PRKAA2: variants seen among roughly 807,000 people sequenced by gnomAD.
PRKAA2 encodes protein kinase AMP-activated catalytic subunit alpha 2.
Under a neutral mutation model 56.3 loss-of-function variants are expected in PRKAA2, and 40 were observed. That is an observed-to-expected ratio of 0.71 (90% CI 0.55 to 0.92). The LOEUF (loss-of-function observed/expected upper bound fraction) is 0.92, where lower values mean the gene tolerates loss of function less well. Among genes scored for constraint, PRKAA2 ranks in the 40% least tolerant of loss-of-function variants. The pLI is 0.00. For missense variants in PRKAA2, 542 were observed against 686.9 expected, an observed-to-expected ratio of 0.79 and a Z score of 2.36; for synonymous variants, 214 against 234.2, an observed-to-expected ratio of 0.91 and a Z score of 0.79.
At chr1:56,666,395 C>T (rs1193763663) in intron 1 of PRKAA2, among the ~76,000 whole-genome samples, 1 of 152,136 alleles carries the variant, frequency 6.6e-6, no homozygotes, top group Non-Finnish European at 1.5e-5. Flanking sequence ...ATTAGAACAT[C>T]ACTTAATCAG....
intron 6 of PRKAA2, among the ~76,000 whole-genome samples, chr1:56,699,436 T>C (rs1162706281): frequency 6.6e-6 from 1 of 152,190 alleles, no homozygotes; most frequent in South Asian, 2.1e-4. Flanking sequence ...TAGTTACTGC[T>C]CACTTTGGTA....
chr1:56,665,507 C>T (rs972993382), intron 1 of PRKAA2, among the ~76,000 whole-genome samples: 5 of 152,186 alleles, frequency 3.3e-5, no homozygotes, highest in African/African-American at 1.2e-4. Flanking sequence ...CACTTGAGCA[C>T]TTTTAATTTA....
At chr1:56,654,296 T>C (rs1643924960) in intron 1 of PRKAA2, among the ~76,000 whole-genome samples, 1 of 152,190 alleles carries the variant, frequency 6.6e-6, no homozygotes, top group Admixed American at 6.5e-5. Context: ...TGGTCCATGT[T>C]AGCTTTCTTG....
intron 1 of PRKAA2, among the ~76,000 whole-genome samples, chr1:56,647,349 C>G (rs7516242): frequency 0.061 from 9,225 of 152,250 alleles, 483 homozygotes; most frequent in African/African-American, 0.14. Flanking sequence ...TAACTTAACC[C>G]TATGTCCTTT....
chr1:56,678,603 C>T (rs1159556036), intron 2 of PRKAA2, among the ~76,000 whole-genome samples: 2 of 151,752 alleles, frequency 1.3e-5, no homozygotes, highest in Non-Finnish European at 2.9e-5. Context: ...GATTTTTGTC[C>T]TTTTTTTTCT....
rs1644379338 is a variant in PRKAA2 at position 56,713,046 on chromosome 1, TAG to T, written c.*5336_*5337del. 11 of 152,308 alleles carry T rather than the reference TAG, an allele frequency of 7.2e-5. No homozygotes were observed. The South Asian group carries it at 1.9e-3, about 26-fold the overall frequency. The allele number at this position is 152,308 out of a possible 1,614,324, so 9.4% of individuals were successfully genotyped here. On this transcript the variant is annotated 3_prime_UTR_variant, in exon 9 of 9. Coordinates refer to ENST00000371244, the MANE Select transcript of PRKAA2 (RefSeq NM_006252.4). ...TACAAACACTGAATTATTAGCTTGA[TAG>T]AGTTTCTCCCAAACCTTATAAAACT...
At chr1:56,691,961 T>C (rs574324767) in intron 3 of PRKAA2, among the ~76,000 whole-genome samples, 2 of 152,288 alleles carry the variant, frequency 1.3e-5, no homozygotes, top group East Asian at 1.9e-4. Flanking sequence ...TCCAACATAA[T>C]TCTAGCTTGC....
intron 2 of PRKAA2, among the ~76,000 whole-genome samples, chr1:56,678,840 C>T (rs6667323): frequency 6.6e-6 from 1 of 152,064 alleles, no homozygotes; most frequent in African/African-American, 2.4e-5. Flanking sequence ...GGACTACAGG[C>T]ACACACCACC....
intron 1 of PRKAA2, among the ~76,000 whole-genome samples, chr1:56,652,322 A>C (rs944648321): frequency 6.6e-6 from 1 of 151,330 alleles, no homozygotes; most frequent in African/African-American, 2.4e-5. Flanking sequence ...CACCCGGCTA[A>C]TTTTCTGTAT....
chr1:56,657,729 C>T (rs1349984509), intron 1 of PRKAA2, among the ~76,000 whole-genome samples: 3 of 151,716 alleles, frequency 2.0e-5, no homozygotes, highest in Admixed American at 1.3e-4. Flanking sequence ...AGCAAGACTC[C>T]GTCTCAAAAT....
chr1:56,662,361 A>G (rs1326556085), intron 1 of PRKAA2, among the ~76,000 whole-genome samples: 1 of 152,104 alleles, frequency 6.6e-6, no homozygotes, highest in African/African-American at 2.4e-5. Context: ...AATTCATGGA[A>G]AAATGGAATT....
intron 8 of PRKAA2, among the ~76,000 whole-genome samples, chr1:56,707,131 A>AT (rs999195271): frequency 2.6e-5 from 4 of 151,972 alleles, no homozygotes; most frequent in African/African-American, 7.2e-5. Context: ...TACCTTAGTG[A>AT]TTTTTTTTGT....
chr1:56,674,509 C>T lies in PRKAA2; in HGVS notation c.223C>T (p.His75Tyr), dbSNP rs1644099616. 1.3e-6 allele frequency: 2 copies of T among 1,526,564 alleles called. No individual in the cohort carries two copies. Among genetic ancestry groups the T allele is most frequent in the Non-Finnish European group, 1.8e-6 (2 of 1,128,402 alleles). The allele number at this position is 1,526,564 out of a possible 1,614,324, so 94.6% of individuals were successfully genotyped here. A position where few individuals can be genotyped will look rare whatever the true frequency, so the allele number is the denominator to read the frequency against. ...AAATCTAAAACTCTTTCGTCATCCT[C>T]ATATTATCAAACTGTAAGTATTTTT... Reference protein sequence around the residue: ...IQNLKLFRHPHIIKLYQVIST... With the variant: ...IQNLKLFRHPYIIKLYQVIST... The change falls in exon 2 of 9, where the codon CAT becomes TAT. Residue 75 changes from histidine to tyrosine, a missense_variant. His to Tyr is a moderately conservative substitution (Grantham distance 83). Coordinates refer to ENST00000371244, the MANE Select transcript of PRKAA2 (RefSeq NM_006252.4).
chr1:56,667,321 G>A (rs10889008), intron 1 of PRKAA2, among the ~76,000 whole-genome samples: 63,431 of 151,702 alleles, frequency 0.42, 13,789 homozygotes, highest in Middle Eastern at 0.52. Flanking sequence ...GTTTAGGGTC[G>A]TGAGGGGAAC....
chr1:56,653,344 G>A (rs1042710750), intron 1 of PRKAA2, among the ~76,000 whole-genome samples: 2 of 151,472 alleles, frequency 1.3e-5, no homozygotes, highest in Non-Finnish European at 2.9e-5. Flanking sequence ...ATTTGGTGTA[G>A]CCAGTTGATT....
chr1:56,676,411 T>G (rs1316808015), intron 2 of PRKAA2, among the ~76,000 whole-genome samples: 1 of 152,048 alleles, frequency 6.6e-6, no homozygotes, highest in Non-Finnish European at 1.5e-5. Flanking sequence ...CGTTTGAAGA[T>G]GGAGGAAAGG....
At chr1:56,665,459 AT>A (rs1644028709) in intron 1 of PRKAA2, among the ~76,000 whole-genome samples, 1 of 152,242 alleles carries the variant, frequency 6.6e-6, no homozygotes, top group Non-Finnish European at 1.5e-5. Flanking sequence ...AAGTACATAG[AT>A]TAGCAGCATT....
chr1:56,681,553 C>G (rs549383978), intron 2 of PRKAA2, among the ~76,000 whole-genome samples: 1 of 152,240 alleles, frequency 6.6e-6, no homozygotes, highest in Non-Finnish European at 1.5e-5. Context: ...AGGAAGGGGT[C>G]CAGTTTCAGC....
intron 6 of PRKAA2, among the ~76,000 whole-genome samples, chr1:56,697,927 C>T (rs1038546219): frequency 6.6e-5 from 10 of 151,592 alleles, no homozygotes; most frequent in Non-Finnish European, 7.4e-5. Flanking sequence ...TTAATTTGTA[C>T]GTAGGTAGAT....
Sources: gnomAD v4.1 joint callset for allele counts (sites outside exome capture counted in the v4.1 genomes callset) on GRCh38, gnomAD v4.1.1 for gene constraint, MANE v1.5 for transcripts, NCBI Gene and HGNC (gene_info 2026-07-23, HGNC 2026-07-21) for gene names.